H6PD: variants seen among roughly 807,000 people sequenced by gnomAD.
H6PD encodes the protein GDH/6PGL endoplasmic bifunctional protein.
In H6PD, 48 loss-of-function variants were observed where a neutral mutation model predicts 61.2. The observed-to-expected ratio is 0.78, with a 90% CI of 0.62 to 1.00. The LOEUF (loss-of-function observed/expected upper bound fraction) is 1.00. Ranked by LOEUF, H6PD falls within the 50% of genes least tolerant of loss-of-function variation. The probability of loss-of-function intolerance (pLI) is 0.00; values close to 1 mark genes in which losing one functional copy is unlikely to be tolerated. For missense variants in H6PD, 1,093 were observed against 1,065.0 expected, an observed-to-expected ratio of 1.03 and a Z score of -0.37; for synonymous variants, 480 against 457.9, an observed-to-expected ratio of 1.05 and a Z score of -0.62.
intron 3 of H6PD, among the ~76,000 whole-genome samples, chr1:9,258,845 C>G (rs563541866): frequency 4.1e-5 from 6 of 145,784 alleles, no homozygotes; most frequent in African/African-American, 1.4e-4. Flanking sequence ...TGTTGTTATG[C>G]TGGTGTTGTG....
At chr1:9,258,862 TTGTTA>T (rs1475921333) in intron 3 of H6PD, among the ~76,000 whole-genome samples, 1 of 150,564 alleles carries the variant, frequency 6.6e-6, no homozygotes, top group East Asian at 1.9e-4. Context: ...TGTGTTACTG[TTGTTA>T]TGTTGTTGTT....
chr1:9,235,958 A>G (rs1640839104), intron 1 of H6PD, among the ~76,000 whole-genome samples: 1 of 152,156 alleles, frequency 6.6e-6, no homozygotes, highest in South Asian at 2.1e-4. Context: ...TTTCATCATT[A>G]TGATTGGAAG....
intron 2 of H6PD, among the ~76,000 whole-genome samples, chr1:9,246,573 G>C (rs1641181581): frequency 6.6e-6 from 1 of 152,304 alleles, no homozygotes; most frequent in East Asian, 1.9e-4. Flanking sequence ...TTCCTAAATA[G>C]GGGTCCTCAG....
chr1:9,256,595 G>C (rs1641526256), intron 3 of H6PD, among the ~76,000 whole-genome samples: 1 of 152,218 alleles, frequency 6.6e-6, no homozygotes, highest in African/African-American at 2.4e-5. Context: ...CATGGACCCA[G>C]AGTGGCTGCT....
intron 3 of H6PD, among the ~76,000 whole-genome samples, chr1:9,255,067 A>G (rs893194281): frequency 1.3e-4 from 20 of 152,206 alleles, no homozygotes; most frequent in Non-Finnish European, 2.9e-4. Flanking sequence ...TTGTATAGAT[A>G]TACCATAATT....
At chr1:9,252,605 C>T (rs1313407355) in intron 3 of H6PD, among the ~76,000 whole-genome samples, 4 of 152,188 alleles carry the variant, frequency 2.6e-5, no homozygotes, top group African/African-American at 9.7e-5. Flanking sequence ...AAAATTTACG[C>T]TTTTAAAATA....
At chr1:9,251,277 T>C (rs1288156285) in intron 3 of H6PD, among the ~76,000 whole-genome samples, 1 of 152,104 alleles carries the variant, frequency 6.6e-6, no homozygotes, top group Non-Finnish European at 1.5e-5. Flanking sequence ...AGTGCTGGAA[T>C]TGGAACTGAG....
At chr1:9,244,146 A>G (rs2239561) in intron 1 of H6PD, among the ~76,000 whole-genome samples, 41,134 of 152,104 alleles carry the variant, frequency 0.27, 7,616 homozygotes, top group African/African-American at 0.53. Context: ...AGCACTAATC[A>G]TTTGCTGGTA....
At chr1:9,257,294 T>C (rs1641550349) in intron 3 of H6PD, among the ~76,000 whole-genome samples, 1 of 151,840 alleles carries the variant, frequency 6.6e-6, no homozygotes, top group African/African-American at 2.4e-5. Flanking sequence ...TGGCTAATTT[T>C]TTTTTTTTAA....
At chr1:9,252,457 C>T (rs936678438) in intron 3 of H6PD, among the ~76,000 whole-genome samples, 4 of 152,064 alleles carry the variant, frequency 2.6e-5, no homozygotes, top group Admixed American at 1.3e-4. Flanking sequence ...TGGTCTTGAA[C>T]GCCTGGTCTC....
rs1638643617 is a variant in H6PD at position 9,268,514 on chromosome 1, C to T, written c.*3645C>T. 1 of 152,226 alleles carries T rather than the reference C, an allele frequency of 6.6e-6. No homozygotes were observed. Among genetic ancestry groups the T allele is most frequent in the Non-Finnish European group, 1.5e-5 (1 of 68,030 alleles). 9.4% of individuals were successfully genotyped at this position (152,226 alleles called of 1,614,324 possible). A position where few individuals can be genotyped will look rare whatever the true frequency, so the allele number is the denominator to read the frequency against. ...TCCTTTGGGAGACCTTGTCAGTCAG[C>T]ATCTCTAGGGCAACCGTGATTGCCA... On this transcript the variant is annotated 3_prime_UTR_variant, in exon 5 of 5. Coordinates refer to ENST00000377403, the MANE Select transcript of H6PD (RefSeq NM_004285.4).
intron 1 of H6PD, among the ~76,000 whole-genome samples, chr1:9,240,253 C>T (rs1377230720): frequency 6.6e-6 from 1 of 152,172 alleles, no homozygotes; most frequent in East Asian, 1.9e-4. Context: ...GCATCCTCCA[C>T]ACACGTAAGT....
rs1240902266 is a variant in H6PD, at chr1:9,269,577, C to T, written c.*4708C>T. ...CGTCCACTGACCAGCAAGTGTGAGT[C>T]CCGGTGTCAGTCGGCACAGTCCAGT... On this transcript the variant is annotated 3_prime_UTR_variant, in exon 5 of 5. Transcript: ENST00000377403. The surrounding 1 kb of genome is among the most constrained non-coding windows in gnomAD (Gnocchi z 4.3). 1 of 152,248 alleles carries T rather than the reference C, an allele frequency of 6.6e-6. No individual in the cohort carries two copies. Among genetic ancestry groups the T allele is most frequent in the African/African-American group, 2.4e-5 (1 of 41,448 alleles). 9.4% of individuals were successfully genotyped at this position (152,248 alleles called of 1,614,324 possible).
At chr1:9,263,421 C>T (rs1321248909) in intron 4 of H6PD, 88 bp from the exon 5 acceptor site, 5 of 1,281,158 alleles carry the variant, frequency 3.9e-6, no homozygotes, top group Admixed American at 3.4e-5. Flanking sequence ...AGGGGGACGC[C>T]CAGAGGAGCC....
rs1415789635 is a variant in H6PD at position 9,264,870 on chromosome 1, G to A, written c.*1G>A. ...GGACTACGACGCCTTCCTGGGATGA[G>A]GGCGCCTGTGCCCCTTGCCCGCTTC... On this transcript the variant is annotated 3_prime_UTR_variant, in exon 5 of 5. Coordinates refer to ENST00000377403, the MANE Select transcript of H6PD (RefSeq NM_004285.4). 1.9e-6 allele frequency: 3 copies of A among 1,611,118 alleles called. No homozygotes were observed. Among genetic ancestry groups the A allele is most frequent in the East Asian group, 2.2e-5 (1 of 44,880 alleles).
chr1:9,258,738 T>C (rs1160492926), intron 3 of H6PD, among the ~76,000 whole-genome samples: 1 of 152,176 alleles, frequency 6.6e-6, no homozygotes, highest in Admixed American at 6.5e-5. Flanking sequence ...ATGTTGCTGC[T>C]GTTACATCGG....
At chr1:9,261,143 C>G (rs760790482) in intron 3 of H6PD, among the ~76,000 whole-genome samples, 3 of 152,196 alleles carry the variant, frequency 2.0e-5, no homozygotes, top group Non-Finnish European at 2.9e-5. Flanking sequence ...CATTCTCCCC[C>G]CAAGACCAGG....
At chr1:9,261,343 C>G (rs1638282286) in intron 3 of H6PD, among the ~76,000 whole-genome samples, 2 of 152,194 alleles carry the variant, frequency 1.3e-5, no homozygotes, top group African/African-American at 2.4e-5. Flanking sequence ...ACACCAAGTT[C>G]CTTCCTGCCT....
intron 1 of H6PD, chr1:9,240,123 C>G (rs1017420887): frequency 1.7e-6 from 1 of 583,524 alleles, no homozygotes; most frequent in African/African-American, 1.9e-5. Context: ...CGCCCTGGCT[C>G]TAAGATGAGC....
Sources: allele counts gnomAD v4.1 joint callset (sites outside exome capture counted in the v4.1 genomes callset), GRCh38; gene constraint gnomAD v4.1.1; non-coding constraint Gnocchi (gnomAD v3.1); transcripts MANE v1.5; gene names NCBI Gene and HGNC (gene_info 2026-07-23, HGNC 2026-07-21).